HS6ST3: variants seen among roughly 807,000 people sequenced by gnomAD.
The protein encoded by HS6ST3 is heparan sulfate 6-O-sulfotransferase 3, also known as heparan-sulfate 6-O-sulfotransferase 3.
Under a neutral mutation model 36.7 loss-of-function variants are expected in HS6ST3, and 12 were observed. The ratio of observed to expected loss-of-function variants is 0.33; its 90% CI spans 0.21 to 0.53. The LOEUF is 0.53. Among genes scored for constraint, HS6ST3 ranks in the 20% least tolerant of loss-of-function variants. The probability of loss-of-function intolerance (pLI) is 0.95; values close to 1 mark genes in which losing one functional copy is unlikely to be tolerated. For missense variants in HS6ST3, 584 were observed against 640.9 expected (o/e 0.91, Z 0.96); for synonymous variants, 240 against 257.5 (o/e 0.93, Z 0.65).
intron 1 of HS6ST3, among the ~76,000 whole-genome samples, chr13:96,500,548 A>G (rs1365313127): frequency 6.6e-6 from 1 of 152,164 alleles, no homozygotes; most frequent in African/African-American, 2.4e-5. Flanking sequence ...GGCTGTTGCA[A>G]TAATCCAGAT....
intron 1 of HS6ST3, among the ~76,000 whole-genome samples, chr13:96,346,375 C>T (rs1013823908): frequency 1.2e-4 from 18 of 152,110 alleles, no homozygotes; most frequent in African/African-American, 4.3e-4. Context: ...GAGATCAAGA[C>T]CATCCTGGCT....
At chr13:96,740,278 G>T (rs568088016) in intron 1 of HS6ST3, among the ~76,000 whole-genome samples, 2 of 152,108 alleles carry the variant, frequency 1.3e-5, no homozygotes, top group African/African-American at 4.8e-5. Flanking sequence ...TGTTGAAAAG[G>T]CTGTTGGTTC....
chr13:96,420,647 G>A (rs1034272662), intron 1 of HS6ST3, among the ~76,000 whole-genome samples: 6 of 152,160 alleles, frequency 3.9e-5, no homozygotes, highest in African/African-American at 1.4e-4. Context: ...TAGTGACCAT[G>A]TTTGTCCTTT....
At chr13:96,157,450 C>A (rs187951049) in intron 1 of HS6ST3, among the ~76,000 whole-genome samples, 1 of 152,130 alleles carries the variant, frequency 6.6e-6, no homozygotes, top group Non-Finnish European at 1.5e-5. Flanking sequence ...CAGAGCAAGG[C>A]AAATCTGAGT....
chr13:96,735,483 A>T (rs1347538242), intron 1 of HS6ST3, among the ~76,000 whole-genome samples: 8 of 152,196 alleles, frequency 5.3e-5, no homozygotes, highest in East Asian at 3.9e-4. Flanking sequence ...ATAAGGGAGG[A>T]TATTAAGCAT....
intron 1 of HS6ST3, among the ~76,000 whole-genome samples, chr13:96,390,703 T>C (rs890980760): frequency 6.6e-6 from 1 of 152,206 alleles, no homozygotes; most frequent in Non-Finnish European, 1.5e-5. Flanking sequence ...AATCCTGCTA[T>C]TTTTTACCTA....
intron 1 of HS6ST3, among the ~76,000 whole-genome samples, chr13:96,244,599 CATCT>C (rs2054576279): frequency 6.6e-6 from 1 of 152,072 alleles, no homozygotes; most frequent in Admixed American, 6.5e-5. Context: ...TCATGCATTC[CATCT>C]ATTTTGCTAT....
At chr13:96,787,743 C>A (rs1484048288) in intron 1 of HS6ST3, among the ~76,000 whole-genome samples, 1 of 151,948 alleles carries the variant, frequency 6.6e-6, no homozygotes, top group Non-Finnish European at 1.5e-5. Flanking sequence ...GTGTTGTTCT[C>A]AGAGCAAAAT....
chr13:96,415,071 T>G (rs1469127590), intron 1 of HS6ST3, among the ~76,000 whole-genome samples: 1 of 152,228 alleles, frequency 6.6e-6, no homozygotes, highest in Non-Finnish European at 1.5e-5. Context: ...ATAGGATATT[T>G]TACACATAAC....
chr13:96,544,244 G>A (rs531851507), intron 1 of HS6ST3, among the ~76,000 whole-genome samples: 6 of 152,308 alleles, frequency 3.9e-5, no homozygotes, highest in Non-Finnish European at 8.8e-5. Context: ...CACTGACAGG[G>A]ATACTTATAA....
intron 1 of HS6ST3, among the ~76,000 whole-genome samples, chr13:96,550,304 C>A (rs1348406704): frequency 6.6e-6 from 1 of 152,088 alleles, no homozygotes; most frequent in Non-Finnish European, 1.5e-5. Flanking sequence ...CCTTCTTTCT[C>A]TCCTGCTCCC....
intron 1 of HS6ST3, among the ~76,000 whole-genome samples, chr13:96,552,595 A>G (rs2056223574): frequency 6.6e-6 from 1 of 152,172 alleles, no homozygotes; most frequent in African/African-American, 2.4e-5. Context: ...GGGACTGCCA[A>G]AGCTGGACAT....
Position 96,617,909 on chromosome 13 carries a change from AG to A in HS6ST3, c.708-214578del, listed in dbSNP as rs531959340. On this transcript the variant is annotated intron_variant, in intron 1 of 1. Coordinates refer to ENST00000376705, the MANE Select transcript of HS6ST3 (RefSeq NM_153456.4). ...CTTCTCTTAATATGAAGTATTCTCC[AG>A]GGATTAAAACAACTAAGAATAACAT... is the stretch of plus-strand genomic sequence containing the variant. Among the ~76,000 whole-genome samples, 11 of 152,344 alleles carry A rather than the reference AG, an allele frequency of 7.2e-5. No homozygotes were observed. The South Asian group carries it at 2.3e-3, about 32-fold the overall frequency.
In HS6ST3 at chr13:96,443,839, A is replaced by G. The variant is rs147342676; in HGVS notation, c.707+352270A>G. The stretch of plus-strand genomic sequence containing the variant: ...TATTCATTTTCAGCTTTTGGAATCA[A>G]CCTGTAGAAAAAGACTTAGTTCTAG... On this transcript the variant is annotated intron_variant, in intron 1 of 1. Coordinates refer to ENST00000376705, the MANE Select transcript of HS6ST3 (RefSeq NM_153456.4). 1.8e-3 allele frequency among the ~76,000 whole-genome samples: 270 copies of G among 152,246 alleles called. 2 individuals are homozygous for G. The highest frequency in any genetic ancestry group is 6.4e-3 in the African/African-American group (265 of 41,548).
rs1430122979 is a variant in HS6ST3 at position 96,362,491 on chromosome 13, G to C, written c.707+270922G>C. 2.0e-5 allele frequency among the ~76,000 whole-genome samples: 3 copies of C among 152,260 alleles called. No individual in the cohort carries two copies. The East Asian group carries it at 5.8e-4, about 29-fold the overall frequency. ...TAAAGTCCGAGGTAGATATTTCTGA[G>C]CAATAGGAAGCTCTCCTTTACTCAG... On this transcript the variant is annotated intron_variant, in intron 1 of 1. Transcript: ENST00000376705.
intron 1 of HS6ST3, among the ~76,000 whole-genome samples, chr13:96,483,857 G>C (rs113472611): frequency 2.0e-5 from 3 of 152,050 alleles, no homozygotes; most frequent in Admixed American, 1.3e-4. Flanking sequence ...TTGTGTTATC[G>C]TCTAGAGTTT....
intron 1 of HS6ST3, among the ~76,000 whole-genome samples, chr13:96,545,226 G>A (rs971909845): frequency 5.3e-5 from 8 of 152,076 alleles, no homozygotes; most frequent in African/African-American, 1.4e-4. Flanking sequence ...TATCTGGATC[G>A]TAAGTTTGAT....
chr13:96,193,305 G>A (rs2054297561), intron 1 of HS6ST3, among the ~76,000 whole-genome samples: 1 of 152,140 alleles, frequency 6.6e-6, no homozygotes, highest in Non-Finnish European at 1.5e-5. Context: ...AAGGAACATG[G>A]CTTGACAGTT....
rs78414120 is a variant in HS6ST3, at chr13:96,126,621, G to T, written c.707+35052G>T. Among the ~76,000 whole-genome samples the T allele has an allele frequency of 9.3e-3, 1,412 of 152,274 alleles. 28 individuals carry two copies. Among genetic ancestry groups the T allele is most frequent in the African/African-American group, 0.033 (1,354 of 41,530 alleles). ...GCACATAAGGTGTGCAGATAAGGTT[G>T]TGCTGCTGGGGTTATGTACGGTATT... On this transcript the variant is annotated intron_variant, in intron 1 of 1. Transcript: ENST00000376705.
Sources: allele counts gnomAD v4.1 joint callset (sites outside exome capture counted in the v4.1 genomes callset), GRCh38; gene constraint gnomAD v4.1.1; transcripts MANE v1.5; gene names NCBI Gene and HGNC (gene_info 2026-07-23, HGNC 2026-07-21).